CREM: variants seen among roughly 807,000 people sequenced by gnomAD.
CREM encodes the protein cAMP-responsive element modulator.
A neutral mutation model predicts 37.3 loss-of-function variants in CREM; 13 were observed. The observed-to-expected ratio is 0.35, with a 90% CI of 0.23 to 0.55. The LOEUF (loss-of-function observed/expected upper bound fraction) is 0.55. Ranked by LOEUF, CREM falls within the 20% of genes least tolerant of loss-of-function variation. The pLI, the probability that CREM is intolerant of heterozygous loss-of-function variation, is 0.88. For synonymous variants in CREM, 124 were observed against 120.2 expected (o/e 1.03, Z -0.21); for missense variants, 296 against 362.3 (o/e 0.82, Z 1.49).
Position 35,188,341 on chromosome 10 carries a change from A to G in CREM, c.551A>G (p.Asp184Gly). 6.2e-7 allele frequency: 1 copy of G among 1,613,848 alleles called. No homozygotes were observed. Among genetic ancestry groups the G allele is most frequent in the Non-Finnish European group, 8.5e-7 (1 of 1,179,948 alleles). Residue 184 changes from aspartate (D) to glycine (G), a missense_variant, in exon 6 of 8, where the codon GAT becomes GGT. Asp to Gly is a moderately conservative substitution (Grantham distance 94). This residue lies in a region of CREM where 257 missense variants were observed against 280.2 expected (regional missense o/e 0.92). Coordinates refer to ENST00000685392, the MANE Select transcript of CREM (RefSeq NM_183011.2). ...GTACAGTACGCAGCACAATCAGCTG[A>G]TGGCACACAGCAGTTCTTTGTCCCA... ...TIVQYAAQSA[D>G]GTQQFFVPGS... is the part of the protein sequence containing the mutation.
chr10:35,132,818 C>T (rs2089689118), intron 1 of CREM, among the ~76,000 whole-genome samples: 1 of 152,136 alleles, frequency 6.6e-6, no homozygotes. Context: ...TATAACTAGT[C>T]CCACCTTCTC....
chr10:35,176,678 G>A (rs1355843888), intron 3 of CREM, among the ~76,000 whole-genome samples: 1 of 151,606 alleles, frequency 6.6e-6, no homozygotes, highest in African/African-American at 2.4e-5. Context: ...CAAAGTGCTG[G>A]GATTACAGGC....
intron 3 of CREM, chr10:35,154,671 A>G (rs1345591952): frequency 6.6e-6 from 1 of 152,174 alleles, no homozygotes; most frequent in Non-Finnish European, 1.5e-5. Flanking sequence ...TGTTAGAATT[A>G]TCTATAAAAA....
At chr10:35,134,248 G>A (rs964049460) in intron 1 of CREM, among the ~76,000 whole-genome samples, 2 of 151,964 alleles carry the variant, frequency 1.3e-5, no homozygotes, top group African/African-American at 4.8e-5. Context: ...TGAGAGTCTC[G>A]CTCTGTTGCC....
chr10:35,208,731 C>T (rs1453717183), intron 7 of CREM, among the ~76,000 whole-genome samples: 1 of 152,130 alleles, frequency 6.6e-6, no homozygotes, highest in Non-Finnish European at 1.5e-5. Flanking sequence ...GAGGTCTGGC[C>T]CAACTGCAAA....
At chr10:35,176,447 G>T in intron 3 of CREM, among the ~76,000 whole-genome samples, 1 of 137,712 alleles carries the variant, frequency 7.3e-6, no homozygotes, top group African/African-American at 2.7e-5. Context: ...TCGCTTTGTC[G>T]CCCAGGCTGG....
chr10:35,128,403 G>T (rs535479878), intron 1 of CREM, among the ~76,000 whole-genome samples: 1 of 152,048 alleles, frequency 6.6e-6, no homozygotes, highest in Non-Finnish European at 1.5e-5. Flanking sequence ...TTGAAACAAA[G>T]ATCTAGATTG....
chr10:35,201,404 G>A (rs890422638), intron 6 of CREM: 6 of 1,549,174 alleles, frequency 3.9e-6, no homozygotes, highest in African/African-American at 1.4e-5. Flanking sequence ...ATACATTGTA[G>A]GGTTTATTGT....
intron 2 of CREM, among the ~76,000 whole-genome samples, chr10:35,144,930 C>T (rs1003776249): frequency 1.3e-5 from 2 of 151,710 alleles, no homozygotes; most frequent in African/African-American, 4.8e-5. Flanking sequence ...GAGACTGAAG[C>T]GGGCTGATCA....
intron 6 of CREM, among the ~76,000 whole-genome samples, chr10:35,200,710 G>GC (rs566194673): frequency 9.8e-4 from 149 of 152,248 alleles, no homozygotes; most frequent in African/African-American, 3.4e-3. Context: ...AGGGATAGAA[G>GC]CCCCCCACTT....
At chr10:35,199,618 A>T (rs981579631) in intron 6 of CREM, among the ~76,000 whole-genome samples, 2 of 152,174 alleles carry the variant, frequency 1.3e-5, no homozygotes, top group Non-Finnish European at 2.9e-5. Context: ...TAAAAAAGGC[A>T]GTTTACAGGC....
intron 6 of CREM, among the ~76,000 whole-genome samples, chr10:35,188,690 C>T (rs866936763): frequency 2.1e-5 from 3 of 146,150 alleles, no homozygotes; most frequent in Non-Finnish European, 3.0e-5. Context: ...GATGGAGTCT[C>T]GCTCTGGCGC....
At chr10:35,198,476 T>C (rs923100705) in intron 6 of CREM, among the ~76,000 whole-genome samples, 1 of 151,296 alleles carries the variant, frequency 6.6e-6, no homozygotes, top group Non-Finnish European at 1.5e-5. Context: ...TGAGCCAACA[T>C]TGCACCACTG....
Position 35,176,404 on chromosome 10 carries a change from T to C in CREM, c.169-2485T>C, listed in dbSNP as rs1248371982. Reference sequence around the variant, plus strand: ...AGTGCTGATGCTGTTTTCTTTTTTTTTCTTCTTTTTTTTTTTTTTTTGAGA... The same window carrying C: ...AGTGCTGATGCTGTTTTCTTTTTTTCTCTTCTTTTTTTTTTTTTTTTGAGA... On this transcript the variant is annotated intron_variant, in intron 3 of 7. Transcript: ENST00000685392. Among the ~76,000 whole-genome samples, 3 of 151,164 alleles carry C rather than the reference T, an allele frequency of 2.0e-5. No homozygotes were observed. In the East Asian group the frequency reaches 5.8e-4, roughly 29 times the overall value.
At chr10:35,155,940 T>C (rs965584378) in intron 3 of CREM, among the ~76,000 whole-genome samples, 6 of 139,158 alleles carry the variant, frequency 4.3e-5, no homozygotes, top group Non-Finnish European at 4.8e-5. Flanking sequence ...CTTCTTTCTT[T>C]CTTTCTTTTT....
At chr10:35,161,810 T>G (rs1239734769) in intron 3 of CREM, among the ~76,000 whole-genome samples, 2 of 152,190 alleles carry the variant, frequency 1.3e-5, no homozygotes, top group African/African-American at 4.8e-5. Flanking sequence ...AAGGGAACAC[T>G]TATACACTGA....
At position 35,212,048 on chromosome 10, in the gene CREM, A is replaced by T. The variant is rs772746222; in HGVS notation, c.*650A>T. 2.8e-6 allele frequency: 1 copy of T among 357,386 alleles called. No homozygotes were observed. Among genetic ancestry groups the T allele is most frequent in the African/African-American group, 2.1e-5 (1 of 47,554 alleles). 22.1% of individuals were successfully genotyped at this position (357,386 alleles called of 1,614,324 possible). A position where few individuals can be genotyped will look rare whatever the true frequency, so the allele number is the denominator to read the frequency against. ...TGCAATATTTGTAAGGCTTGTTCCA[A>T]TGCCACATACTTGCAGCTCCCATTC... On this transcript the variant is annotated 3_prime_UTR_variant, in exon 8 of 8. Transcript: ENST00000685392.
chr10:35,210,981 A>G (rs903870460), intron 7 of CREM, among the ~76,000 whole-genome samples: 5 of 152,206 alleles, frequency 3.3e-5, no homozygotes, highest in Admixed American at 1.3e-4. Context: ...TAGTTTACTG[A>G]AAACAGTTGT....
chr10:35,168,855 A>G (rs542242992), intron 3 of CREM, among the ~76,000 whole-genome samples: 137 of 152,320 alleles, frequency 9.0e-4, no homozygotes, highest in African/African-American at 3.0e-3. Context: ...TAAATAGGGA[A>G]TCCTTTCCCC....
Sources: allele counts gnomAD v4.1 joint callset (sites outside exome capture counted in the v4.1 genomes callset), GRCh38; gene constraint gnomAD v4.1.1; regional missense constraint gnomAD v4.1.1; transcripts MANE v1.5; gene names NCBI Gene and HGNC (gene_info 2026-07-23, HGNC 2026-07-21).